Variants in SPHKAP observed in about 807,000 individuals in gnomAD.
SPHKAP encodes A-kinase anchor protein SPHKAP.
SPHKAP carries 67 observed loss-of-function variants against 137.5 expected under a neutral mutation model. The observed-to-expected ratio is 0.49, with a 90% CI of 0.40 to 0.60. The LOEUF (loss-of-function observed/expected upper bound fraction) is 0.60. SPHKAP is among the 20% of genes least tolerant of loss of function. SPHKAP has a pLI of 0.00. For missense variants in SPHKAP, 2,097 were observed against 2,069.3 expected, an observed-to-expected ratio of 1.01 and a Z score of -0.26; for synonymous variants, 813 against 785.3, an observed-to-expected ratio of 1.04 and a Z score of -0.59.
chr2:227,987,596 A>T (rs1212730171), intron 11 of SPHKAP, among the ~76,000 whole-genome samples: 1 of 152,204 alleles, frequency 6.6e-6, no homozygotes, highest in Non-Finnish European at 1.5e-5. Flanking sequence ...TTTGAAAATG[A>T]AGTACCATTT....
intron 3 of SPHKAP, among the ~76,000 whole-genome samples, chr2:228,066,896 T>G (rs1455238768): frequency 6.6e-6 from 1 of 152,230 alleles, no homozygotes; most frequent in African/African-American, 2.4e-5. Flanking sequence ...CTTCGGAAAC[T>G]GTAAATGTAT....
rs569381491 is a variant in SPHKAP, at chr2:227,988,445, T to C, written c.4959+2555A>G. Among the ~76,000 whole-genome samples the C allele has an allele frequency of 3.7e-4, 57 of 152,326 alleles. No homozygotes were observed. The South Asian group carries it at 6.6e-3, about 18-fold the overall frequency. Reference sequence around the variant, plus strand: ...CAAAAACAAGCATTCTCTTTGAGAATCGAAAATCAGGTCGGGATAAACAAA... The same window carrying C: ...CAAAAACAAGCATTCTCTTTGAGAACCGAAAATCAGGTCGGGATAAACAAA... On this transcript the variant is annotated intron_variant, in intron 11 of 11. Coordinates refer to ENST00000392056, the MANE Select transcript of SPHKAP (RefSeq NM_001142644.2).
At chr2:228,172,448 A>G (rs1293242875) in intron 1 of SPHKAP, among the ~76,000 whole-genome samples, 2 of 152,058 alleles carry the variant, frequency 1.3e-5, no homozygotes, top group Non-Finnish European at 2.9e-5. Context: ...CCTTCTTCCA[A>G]CTTCATCGTC....
chr2:228,136,634 T>C (rs1228330680), intron 1 of SPHKAP, among the ~76,000 whole-genome samples: 1 of 152,220 alleles, frequency 6.6e-6, no homozygotes, highest in Non-Finnish European at 1.5e-5. Context: ...TGGTGTCACT[T>C]GGGAGCTTGT....
chr2:228,101,446 A>C (rs561873975), intron 3 of SPHKAP, among the ~76,000 whole-genome samples: 21 of 152,258 alleles, frequency 1.4e-4, no homozygotes, highest in Admixed American at 5.9e-4. Context: ...AGTCTTCATG[A>C]TGTAGATGTC....
chr2:228,128,641 C>T (rs1413872823), intron 2 of SPHKAP, among the ~76,000 whole-genome samples: 1 of 152,108 alleles, frequency 6.6e-6, no homozygotes, highest in Non-Finnish European at 1.5e-5. Flanking sequence ...CAGTTATAGC[C>T]TTATTAAATG....
intron 3 of SPHKAP, among the ~76,000 whole-genome samples, chr2:228,082,604 G>A (rs978496482): frequency 2.6e-5 from 4 of 152,130 alleles, no homozygotes; most frequent in Non-Finnish European, 5.9e-5. Flanking sequence ...AAAGGAACAA[G>A]GATATTGTTC....
At chr2:228,097,870 A>C (rs1280074395) in intron 3 of SPHKAP, among the ~76,000 whole-genome samples, 7 of 152,052 alleles carry the variant, frequency 4.6e-5, no homozygotes, top group Non-Finnish European at 1.5e-5. Flanking sequence ...CATTTTCTTT[A>C]CCCAGTCCAC....
chr2:228,138,335 G>A (rs1352752272), intron 1 of SPHKAP, among the ~76,000 whole-genome samples: 2 of 152,122 alleles, frequency 1.3e-5, no homozygotes, highest in Non-Finnish European at 2.9e-5. Context: ...GTTCTGCACC[G>A]ACAGCTCTCA....
chr2:228,180,745 C>A (rs1231349953), intron 1 of SPHKAP, among the ~76,000 whole-genome samples: 1 of 152,220 alleles, frequency 6.6e-6, no homozygotes, highest in Non-Finnish European at 1.5e-5. Flanking sequence ...CCAGCACCAC[C>A]GCCCCGATTT....
intron 3 of SPHKAP, among the ~76,000 whole-genome samples, chr2:228,053,785 G>GAAAA (rs1484478734): frequency 6.6e-6 from 1 of 152,172 alleles, no homozygotes; most frequent in East Asian, 1.9e-4. Flanking sequence ...AATGTATTTA[G>GAAAA]CATTCTTATC....
chr2:228,139,016 C>A (rs148131710), intron 1 of SPHKAP, among the ~76,000 whole-genome samples: 2 of 152,140 alleles, frequency 1.3e-5, no homozygotes, highest in African/African-American at 4.8e-5. Flanking sequence ...ATAAACAGGT[C>A]ATTCATTATT....
At chr2:228,059,926 A>G (rs563642304) in intron 3 of SPHKAP, among the ~76,000 whole-genome samples, 116 of 152,310 alleles carry the variant, frequency 7.6e-4, no homozygotes, top group African/African-American at 2.7e-3. Flanking sequence ...AACTTAGCTC[A>G]CTTAATCCTC....
chr2:228,063,174 A>ATCTGTCTG (rs1553536379), intron 3 of SPHKAP, among the ~76,000 whole-genome samples: 1,962 of 147,196 alleles, frequency 0.013, 27 homozygotes, highest in African/African-American at 0.036. Context: ...CTATCTATCT[A>ATCTGTCTG]TCTGTCTGTC....
intron 1 of SPHKAP, among the ~76,000 whole-genome samples, chr2:228,162,769 GC>G (rs1213223645): frequency 6.6e-6 from 1 of 152,020 alleles, no homozygotes; most frequent in African/African-American, 2.4e-5. Flanking sequence ...CGCAATCTTG[GC>G]TCACAGCCAC....
chr2:228,135,519 C>T (rs994828110), intron 1 of SPHKAP, among the ~76,000 whole-genome samples: 1 of 152,164 alleles, frequency 6.6e-6, no homozygotes, highest in Non-Finnish European at 1.5e-5. Context: ...CTGCTGAGCT[C>T]ATCTAATAGA....
chr2:228,041,646 C>CAAAAA (rs58570907), intron 3 of SPHKAP, among the ~76,000 whole-genome samples: 6 of 95,916 alleles, frequency 6.3e-5, no homozygotes, highest in Non-Finnish European at 1.0e-4. Flanking sequence ...GACTCTGTCT[C>CAAAAA]AAAAAAAAAA....
At chr2:228,157,290 A>G (rs1700134391) in intron 1 of SPHKAP, among the ~76,000 whole-genome samples, 1 of 152,216 alleles carries the variant, frequency 6.6e-6, no homozygotes, top group Non-Finnish European at 1.5e-5. Context: ...ACAGTAGGTC[A>G]TAGAATATGA....
chr2:228,135,841 C>A (rs1377665794), intron 1 of SPHKAP, among the ~76,000 whole-genome samples: 1 of 151,972 alleles, frequency 6.6e-6, no homozygotes, highest in Non-Finnish European at 1.5e-5. Context: ...TCACTACACC[C>A]ATATTTAAAG....
Sources: gnomAD v4.1 joint callset for allele counts (sites outside exome capture counted in the v4.1 genomes callset) on GRCh38, gnomAD v4.1.1 for gene constraint, MANE v1.5 for transcripts, NCBI Gene and HGNC (gene_info 2026-07-23, HGNC 2026-07-21) for gene names.